ALDH9A1: variants seen among roughly 807,000 people sequenced by gnomAD.
The protein encoded by ALDH9A1 is aldehyde dehydrogenase 9 family member A1.
ALDH9A1 carries 42 observed loss-of-function variants against 56.6 expected under a neutral mutation model. The observed-to-expected ratio is 0.74, with a 90% CI of 0.58 to 0.96. The LOEUF (loss-of-function observed/expected upper bound fraction) is 0.96. Ranked by LOEUF, ALDH9A1 falls within the 40% of genes least tolerant of loss-of-function variation. The pLI is 0.00. For missense variants in ALDH9A1, 661 were observed against 651.5 expected (o/e 1.01, Z -0.16); for synonymous variants, 242 against 236.0 (o/e 1.03, Z -0.23).
chr1:165,694,968 A>AT (rs1558013749), intron 2 of ALDH9A1, among the ~76,000 whole-genome samples: 1 of 151,880 alleles, frequency 6.6e-6, no homozygotes, highest in Non-Finnish European at 1.5e-5. Flanking sequence ...AAAAAAAAAA[A>AT]AATAAAAATA....
intron 2 of ALDH9A1, 129 bp from the exon 3 acceptor site, chr1:165,683,239 G>A: frequency 2.0e-6 from 2 of 994,528 alleles, no homozygotes; most frequent in Non-Finnish European, 1.5e-6. Context: ...GAAAAGAAAT[G>A]GCAGTGTTAC....
Position 165,669,032 on chromosome 1 carries a change from G to C in ALDH9A1, c.1120-19C>G. 6.4e-7 allele frequency: 1 copy of C among 1,564,584 alleles called. No homozygotes were observed. The highest frequency in any genetic ancestry group is 8.7e-7 in the Non-Finnish European group (1 of 1,152,334). On this transcript the variant is annotated intron_variant, in intron 7 of 10. Transcript: ENST00000354775. ...TAGCACCCTGCCGAAAAGGAAAAAA[G>C]ATATGTTGTATTAAAAATATAACCC...
At chr1:165,674,237 C>A (rs1181893267) in intron 6 of ALDH9A1, among the ~76,000 whole-genome samples, 1 of 147,336 alleles carries the variant, frequency 6.8e-6, no homozygotes, top group Non-Finnish European at 1.5e-5. Context: ...AAAGGGGCAA[C>A]CAGCAGCCCC....
In ALDH9A1 at chr1:165,664,969, G is replaced by C. The variant is rs3738191; in HGVS notation, c.1462+49C>G. 9.9e-6 allele frequency: 14 copies of C among 1,413,720 alleles called. No homozygotes were observed. The South Asian group carries it at 1.3e-4, about 13-fold the overall frequency. 87.6% of individuals were successfully genotyped at this position (1,413,720 alleles called of 1,614,324 possible). ...TACTGGTTTATAAGGTCTGAATTAC[G>C]ACCTAGCTCTAGAGACCTAGTTTGC... On this transcript the variant is annotated intron_variant, in intron 10 of 10. Transcript: ENST00000354775.
At chr1:165,671,969 T>C (rs1312067775) in intron 6 of ALDH9A1, among the ~76,000 whole-genome samples, 1 of 152,178 alleles carries the variant, frequency 6.6e-6, no homozygotes, top group African/African-American at 2.4e-5. Context: ...ATAACATGTG[T>C]TGGCAAGGAT....
chr1:165,692,004 G>A (rs541074104), intron 2 of ALDH9A1, among the ~76,000 whole-genome samples: 2 of 152,254 alleles, frequency 1.3e-5, no homozygotes, highest in East Asian at 1.9e-4. Context: ...AAAGGCCTTC[G>A]ACAAATTTCA....
In ALDH9A1 at chr1:165,682,152, G is replaced by A. The variant is rs549670585; in HGVS notation, c.547C>T (p.Pro183Ser). The A allele has an allele frequency of 3.1e-6, 5 of 1,614,100 alleles. No homozygotes were observed. Among genetic ancestry groups the A allele is most frequent in the African/African-American group, 1.3e-5 (1 of 75,042 alleles). The change falls in exon 4 of 11, where the codon CCC becomes TCC. Residue 183 changes from proline to serine, a missense_variant. Transcript: ENST00000354775. ...GACTTCCAAGAGGCAATCTGAAAGG[G>A]GTAGTTCCATGCTCCTATTCCCACA... ...VCVGIGAWNY[P>S]FQIASWKSAP...
At chr1:165,691,340 C>T (rs954041800) in intron 2 of ALDH9A1, among the ~76,000 whole-genome samples, 2 of 152,192 alleles carry the variant, frequency 1.3e-5, no homozygotes, top group Non-Finnish European at 1.5e-5. Flanking sequence ...ATAGCATCAA[C>T]ATCAACAAAA....
intron 6 of ALDH9A1, among the ~76,000 whole-genome samples, chr1:165,677,990 G>A (rs1215502929): frequency 5.3e-5 from 8 of 152,132 alleles, no homozygotes; most frequent in Admixed American, 2.6e-4. Context: ...AGCTGAGATC[G>A]TGCCACTGCA....
rs1468019819 is a variant in ALDH9A1 at position 165,697,641 on chromosome 1, T to C, written c.181+737A>G. On this transcript the variant is annotated intron_variant, in intron 1 of 10. Coordinates refer to ENST00000354775, the MANE Select transcript of ALDH9A1 (RefSeq NM_000696.4). ...AGCGTTCCTTCATTCCCAGCACAAA[T>C]GATTATCTTCCCCACAACCCCGCCC... Among the ~76,000 whole-genome samples, 4 of 152,332 alleles carry C rather than the reference T, an allele frequency of 2.6e-5. 1 individual carries two copies. The highest frequency in any genetic ancestry group is 1.5e-5 in the Non-Finnish European group (1 of 68,032).
chr1:165,698,289 C>T, intron 1 of ALDH9A1, 89 bp downstream of exon 1: 2 of 1,494,688 alleles, frequency 1.3e-6, no homozygotes, highest in Non-Finnish European at 1.8e-6. Flanking sequence ...CTCAAGTCAA[C>T]GCTGCAGAAC....
In ALDH9A1 at chr1:165,669,584, T is replaced by C. The variant is rs950814145; in HGVS notation, c.931-134A>G. 5.7e-6 allele frequency: 5 copies of C among 870,168 alleles called. No individual in the cohort carries two copies. The African/African-American group carries it at 8.7e-5, about 15-fold the overall frequency. 53.9% of individuals were successfully genotyped at this position (870,168 alleles called of 1,614,324 possible). The stretch of plus-strand genomic sequence containing the variant: ...TTTTTTAAAAGGATATTTCCATTTC[T>C]AAAAATTGTCTCCATACTGAATAAG... On this transcript the variant is annotated intron_variant, in intron 6 of 10. Transcript: ENST00000354775.
intron 4 of ALDH9A1, 99 bp from the exon 5 acceptor site, chr1:165,680,782 T>G: frequency 8.6e-7 from 1 of 1,157,120 alleles, no homozygotes; most frequent in South Asian, 1.6e-5. Flanking sequence ...TCCAATTGTT[T>G]CCTCTTCCCC....
rs771595974 is a variant in ALDH9A1 at position 165,663,099 on chromosome 1, T to G, written c.1508A>C (p.Gln503Pro). The G allele has an allele frequency of 1.2e-6, 2 of 1,613,986 alleles. No homozygotes were observed. Among genetic ancestry groups the G allele is most frequent in the East Asian group, 4.5e-5 (2 of 44,894 alleles). ...CATCTCCACACACACAGTCTTCAGCTGTGAATAATATTCGATTGTCACACG... is the reference window on the plus strand; with the variant it reads ...CATCTCCACACACACAGTCTTCAGCGGTGAATAATATTCGATTGTCACACG... Reference protein sequence around the residue: ...NGRVTIEYYSQLKTVCVEMGD... With the variant: ...NGRVTIEYYSPLKTVCVEMGD... The change falls in exon 11 of 11, where the codon CAG (glutamine) becomes CCG (proline). Residue 503 changes from glutamine (Q) to proline (P), a missense_variant. Physicochemically the swap from Gln to Pro is moderately conservative, Grantham distance 76. Transcript: ENST00000354775.
intron 2 of ALDH9A1, among the ~76,000 whole-genome samples, chr1:165,692,670 C>T (rs1427842968): frequency 6.6e-6 from 1 of 152,058 alleles, no homozygotes. Context: ...ATGCCATCCC[C>T]ATCAAGCTAC....
rs1323879018 is a variant in ALDH9A1 at position 165,682,141 on chromosome 1, A to C, written c.558T>G (p.Ile186Met). 1.9e-6 allele frequency: 3 copies of C among 1,614,146 alleles called. No homozygotes were observed. Among genetic ancestry groups the C allele is most frequent in the Non-Finnish European group, 2.5e-6 (3 of 1,179,986 alleles). Residue 186 changes from isoleucine to methionine, a missense_variant, in exon 4 of 11, where the codon ATT becomes ATG. By Grantham distance (10) the Ile-to-Met change is conservative. Coordinates refer to ENST00000354775, the MANE Select transcript of ALDH9A1 (RefSeq NM_000696.4). ...GIGAWNYPFQ[I>M]ASWKSAPALA... ...ATGCTGGAGCCGACTTCCAAGAGGC[A>C]ATCTGAAAGGGGTAGTTCCATGCTC... is the stretch of plus-strand genomic sequence containing the variant.
At chr1:165,683,302 C>T (rs538761465) in intron 2 of ALDH9A1, among the ~76,000 whole-genome samples, 192 bp from the exon 3 acceptor site, 5 of 85,700 alleles carry the variant, frequency 5.8e-5, no homozygotes, top group Non-Finnish European at 1.3e-4. Flanking sequence ...GTTCTTCCCT[C>T]GTTAATTAAT....
intron 2 of ALDH9A1, among the ~76,000 whole-genome samples, chr1:165,689,161 C>T (rs557195157): frequency 5.9e-5 from 9 of 152,016 alleles, no homozygotes; most frequent in East Asian, 3.9e-4. Flanking sequence ...TTTGGTTTAT[C>T]GAATTAAAAA....
chr1:165,695,439 C>A, intron 1 of ALDH9A1, 42 bp from the exon 2 acceptor site: 2 of 1,495,330 alleles, frequency 1.3e-6, no homozygotes, highest in Non-Finnish European at 1.8e-6. Flanking sequence ...AAATTGTTGC[C>A]ACATATTTAA....
Sources: allele counts gnomAD v4.1 joint callset (sites outside exome capture counted in the v4.1 genomes callset), GRCh38; gene constraint gnomAD v4.1.1; transcripts MANE v1.5; gene names NCBI Gene and HGNC (gene_info 2026-07-23, HGNC 2026-07-21).